The following PPP1R9A variants were observed in gnomAD, a reference collection of about 807,000 sequenced individuals.
PPP1R9A encodes neurabin-1.
PPP1R9A carries 59 observed loss-of-function variants against 141.9 expected under a neutral mutation model. The ratio of observed to expected loss-of-function variants is 0.42; its 90% CI spans 0.34 to 0.52. The LOEUF (loss-of-function observed/expected upper bound fraction) is 0.52, where lower values mean the gene tolerates loss of function less well. Among genes scored for constraint, PPP1R9A ranks in the 20% least tolerant of loss-of-function variants. The pLI is 0.10. For missense variants in PPP1R9A, 1,444 were observed against 1,611.9 expected, an observed-to-expected ratio of 0.90 and a Z score of 1.78; for synonymous variants, 500 against 569.7, an observed-to-expected ratio of 0.88 and a Z score of 1.74.
intron 12 of PPP1R9A, among the ~76,000 whole-genome samples, chr7:95,267,971 T>C (rs926177894): frequency 2.0e-5 from 3 of 152,162 alleles, no homozygotes; most frequent in African/African-American, 7.2e-5. Flanking sequence ...TTAGGTAAAT[T>C]CCTCACTGGT....
intron 5 of PPP1R9A, among the ~76,000 whole-genome samples, chr7:95,195,460 T>TA (rs1028523350): frequency 6.6e-5 from 10 of 150,494 alleles, no homozygotes; most frequent in Middle Eastern, 3.4e-3. Context: ...TTTTTTTTTT[T>TA]AAGGGACGGG....
At chr7:95,160,614 C>T (rs1830337360) in intron 4 of PPP1R9A, among the ~76,000 whole-genome samples, 1 of 151,388 alleles carries the variant, frequency 6.6e-6, no homozygotes, top group African/African-American at 2.4e-5. Context: ...TATGAATGAT[C>T]CTGTCGCCTA....
At chr7:95,040,701 G>A (rs1330062394) in intron 2 of PPP1R9A, among the ~76,000 whole-genome samples, 3 of 152,018 alleles carry the variant, frequency 2.0e-5, no homozygotes, top group Non-Finnish European at 4.4e-5. Context: ...TTTCCCTTGT[G>A]CCACATCTAG....
chr7:95,273,337 T>C (rs854530), intron 14 of PPP1R9A, among the ~76,000 whole-genome samples: 56,544 of 151,956 alleles, frequency 0.37, 11,349 homozygotes, highest in Middle Eastern at 0.52. Flanking sequence ...CCCCATGTCC[T>C]CCCCTCCTCT....
chr7:95,151,911 G>A (rs1030407215), intron 4 of PPP1R9A, among the ~76,000 whole-genome samples: 1 of 141,020 alleles, frequency 7.1e-6, no homozygotes, highest in Admixed American at 7.2e-5. Context: ...AATAAAGGAA[G>A]TGATAATGTC....
At chr7:95,181,420 A>AATATAGAGAATATATATATTCCATCAT (rs1833767905) in intron 5 of PPP1R9A, among the ~76,000 whole-genome samples, 5 of 85,812 alleles carry the variant, frequency 5.8e-5, no homozygotes, top group Non-Finnish European at 1.2e-4. Context: ...ATATATATAG[A>AATATAGAGAATATATATATTCCATCAT]ATATAGAGAA....
intron 8 of PPP1R9A, among the ~76,000 whole-genome samples, chr7:95,242,693 G>GGT (rs1797621626): frequency 6.6e-6 from 1 of 152,084 alleles, no homozygotes; most frequent in Non-Finnish European, 1.5e-5. Flanking sequence ...GAAATCCTGA[G>GGT]GTGCATATCT....
At chr7:95,222,074 A>G (rs997101245) in intron 7 of PPP1R9A, among the ~76,000 whole-genome samples, 2 of 152,042 alleles carry the variant, frequency 1.3e-5, no homozygotes, top group Non-Finnish European at 2.9e-5. Flanking sequence ...ATTCTTGTCC[A>G]GGGTAAGCAT....
chr7:95,084,557 C>G (rs557560041), intron 2 of PPP1R9A, among the ~76,000 whole-genome samples: 33 of 151,980 alleles, frequency 2.2e-4, no homozygotes, highest in Middle Eastern at 6.8e-3. Context: ...GTGTTCACTC[C>G]CTAATATAAA....
chr7:95,264,308 TGTTTCTGA>T (rs1443888070), intron 12 of PPP1R9A, among the ~76,000 whole-genome samples: 24 of 152,202 alleles, frequency 1.6e-4, no homozygotes, highest in African/African-American at 5.1e-4. Flanking sequence ...GAAGTATGGC[TGTTTCTGA>T]GTGGGTTAGT....
At chr7:95,171,877 A>G (rs2152751724) in intron 5 of PPP1R9A, among the ~76,000 whole-genome samples, 1 of 151,742 alleles carries the variant, frequency 6.6e-6, no homozygotes, top group Non-Finnish European at 1.5e-5. Context: ...ACTATCACAA[A>G]CCAATATTCC....
At chr7:94,968,792 T>A (rs1335843606) in intron 2 of PPP1R9A, among the ~76,000 whole-genome samples, 1 of 152,196 alleles carries the variant, frequency 6.6e-6, no homozygotes, top group Non-Finnish European at 1.5e-5. Flanking sequence ...AAATGTAGGT[T>A]TGGTCTTTTC....
At chr7:95,006,702 T>C (rs1803652273) in intron 2 of PPP1R9A, among the ~76,000 whole-genome samples, 1 of 152,162 alleles carries the variant, frequency 6.6e-6, no homozygotes, top group South Asian at 2.1e-4. Context: ...TACATTCTAA[T>C]TATAAAGAGT....
chr7:95,199,965 G>A (rs574465070), intron 6 of PPP1R9A, among the ~76,000 whole-genome samples: 2 of 152,060 alleles, frequency 1.3e-5, no homozygotes, highest in South Asian at 4.2e-4. Context: ...CTTAGGTTCA[G>A]GGGAGTACAG....
intron 12 of PPP1R9A, among the ~76,000 whole-genome samples, chr7:95,266,678 G>C (rs1448724770): frequency 6.6e-6 from 1 of 152,112 alleles, no homozygotes; most frequent in Non-Finnish European, 1.5e-5. Context: ...AAATGAGATA[G>C]AGTATGTGGC....
At chr7:95,013,309 G>A (rs1007519716) in intron 2 of PPP1R9A, among the ~76,000 whole-genome samples, 2 of 152,098 alleles carry the variant, frequency 1.3e-5, no homozygotes, top group Admixed American at 6.6e-5. Flanking sequence ...ATTCAGTATG[G>A]TAAAGTTTAG....
intron 2 of PPP1R9A, among the ~76,000 whole-genome samples, chr7:95,099,989 A>G (rs1359623537): frequency 2.0e-5 from 3 of 152,168 alleles, no homozygotes; most frequent in African/African-American, 7.2e-5. Context: ...TTCACTAAAA[A>G]TCTTCATATA....
At chr7:94,987,132 C>A (rs1167461465) in intron 2 of PPP1R9A, among the ~76,000 whole-genome samples, 2 of 152,140 alleles carry the variant, frequency 1.3e-5, no homozygotes. Context: ...AAAATATCAA[C>A]CAGAGGAGAA....
At position 95,290,358 on chromosome 7, in the gene PPP1R9A, C is replaced by A; in HGVS notation, c.*55C>A. 1 of 1,512,662 alleles carries A rather than the reference C, an allele frequency of 6.6e-7. No individual in the cohort carries two copies. Among genetic ancestry groups the A allele is most frequent in the Non-Finnish European group, 9.0e-7 (1 of 1,116,870 alleles). 93.7% of individuals were successfully genotyped at this position (1,512,662 alleles called of 1,614,324 possible). The stretch of plus-strand genomic sequence containing the variant: ...CTCCAAGAGAAGTCCCCACCTCTTC[C>A]TGCCCTGCTCTCCTCCAGAGGATGA... On this transcript the variant is annotated 3_prime_UTR_variant, in exon 20 of 20. Transcript: ENST00000433360.
Sources: allele counts gnomAD v4.1 joint callset (sites outside exome capture counted in the v4.1 genomes callset), GRCh38; gene constraint gnomAD v4.1.1; transcripts MANE v1.5; gene names NCBI Gene and HGNC (gene_info 2026-07-23, HGNC 2026-07-21).